Variants in CDH13 observed in about 807,000 individuals in gnomAD.
CDH13 encodes the protein cadherin-13.
In CDH13, 24 loss-of-function variants were observed where a neutral mutation model predicts 63.8. That is an observed-to-expected ratio of 0.38 (90% CI 0.27 to 0.53). The LOEUF (loss-of-function observed/expected upper bound fraction) is 0.53. Ranked by LOEUF, CDH13 falls within the 20% of genes least tolerant of loss-of-function variation. The probability of loss-of-function intolerance (pLI) is 0.85; values close to 1 mark genes in which losing one functional copy is unlikely to be tolerated. For missense variants in CDH13, 1,049 were observed against 903.1 expected, an observed-to-expected ratio of 1.16 and a Z score of -2.07; for synonymous variants, 503 against 355.3, an observed-to-expected ratio of 1.42 and a Z score of -4.67.
At chr16:82,871,027 G>A (rs1008545098) in intron 2 of CDH13, among the ~76,000 whole-genome samples, 2 of 152,110 alleles carry the variant, frequency 1.3e-5, no homozygotes, top group African/African-American at 4.8e-5. Context: ...ACTGTTCATG[G>A]AGTCAAATGA....
intron 5 of CDH13, among the ~76,000 whole-genome samples, chr16:83,333,491 C>A (rs568688353): frequency 6.6e-6 from 1 of 152,054 alleles, no homozygotes; most frequent in Non-Finnish European, 1.5e-5. Flanking sequence ...GCTCTTTGGA[C>A]TACCTTTGAA....
intron 5 of CDH13, among the ~76,000 whole-genome samples, chr16:83,232,875 C>G (rs915940702): frequency 1.3e-5 from 2 of 152,138 alleles, no homozygotes; most frequent in Admixed American, 6.5e-5. Flanking sequence ...TTGAGACTAT[C>G]GTAGTTTATG....
At chr16:83,296,186 C>T (rs866732877) in intron 5 of CDH13, among the ~76,000 whole-genome samples, 1 of 152,182 alleles carries the variant, frequency 6.6e-6, no homozygotes, top group Non-Finnish European at 1.5e-5. Flanking sequence ...TTCAGATACA[C>T]TTTTCCCACT....
intron 4 of CDH13, among the ~76,000 whole-genome samples, chr16:83,186,000 G>A (rs1427571447): frequency 1.3e-5 from 2 of 152,028 alleles, no homozygotes; most frequent in African/African-American, 4.8e-5. Context: ...CCTTAGAGGA[G>A]ATATTTTCCT....
At chr16:83,377,081 G>C (rs1205466093) in intron 6 of CDH13, among the ~76,000 whole-genome samples, 1 of 152,078 alleles carries the variant, frequency 6.6e-6, no homozygotes, top group Admixed American at 6.5e-5. Context: ...TCCAACCCTG[G>C]CTGACCTCAT....
At chr16:82,984,784 T>C (rs1910726712) in intron 2 of CDH13, among the ~76,000 whole-genome samples, 1 of 152,222 alleles carries the variant, frequency 6.6e-6, no homozygotes, top group African/African-American at 2.4e-5. Context: ...CAGGATAGTA[T>C]GCTTTATACA....
At chr16:83,525,252 T>C (rs2074934863) in intron 7 of CDH13, among the ~76,000 whole-genome samples, 1 of 152,172 alleles carries the variant, frequency 6.6e-6, no homozygotes, top group Non-Finnish European at 1.5e-5. Context: ...CTTCCATCAG[T>C]TTCCTGATAA....
At chr16:83,534,827 G>C (rs975927184) in intron 7 of CDH13, among the ~76,000 whole-genome samples, 3 of 152,186 alleles carry the variant, frequency 2.0e-5, no homozygotes, top group Non-Finnish European at 4.4e-5. Context: ...AATTAGCAGT[G>C]CGTATACACA....
intron 2 of CDH13, among the ~76,000 whole-genome samples, chr16:83,009,011 G>A (rs1006748608): frequency 6.6e-6 from 1 of 152,174 alleles, no homozygotes; most frequent in Non-Finnish European, 1.5e-5. Flanking sequence ...GATCTCGTGA[G>A]AACTCACTAT....
At chr16:83,388,184 T>A (rs1260276053) in intron 6 of CDH13, among the ~76,000 whole-genome samples, 1 of 150,946 alleles carries the variant, frequency 6.6e-6, no homozygotes, top group African/African-American at 2.4e-5. Flanking sequence ...CTAGGCATGG[T>A]GGCTTATGGC....
intron 6 of CDH13, among the ~76,000 whole-genome samples, chr16:83,388,939 A>G (rs1262152832): frequency 6.6e-6 from 1 of 152,184 alleles, no homozygotes; most frequent in Non-Finnish European, 1.5e-5. Flanking sequence ...GGTCTAAAGC[A>G]CAATTTTCAA....
At chr16:83,751,700 A>G (rs1033674854) in intron 11 of CDH13, among the ~76,000 whole-genome samples, 1 of 152,238 alleles carries the variant, frequency 6.6e-6, no homozygotes, top group Non-Finnish European at 1.5e-5. Flanking sequence ...AACGGACCAG[A>G]GGGGAAGAAC....
At chr16:82,943,106 G>A (rs72790150) in intron 2 of CDH13, among the ~76,000 whole-genome samples, 3,006 of 152,238 alleles carry the variant, frequency 0.02, 42 homozygotes, top group Middle Eastern at 0.034. Context: ...CTTTGGAATC[G>A]TATACATTTA....
chr16:82,728,234 A>C (rs1374355244), intron 1 of CDH13, among the ~76,000 whole-genome samples: 3 of 152,162 alleles, frequency 2.0e-5, no homozygotes, highest in Admixed American at 2.0e-4. Flanking sequence ...TCTCAGATGC[A>C]ATCCTTCAAT....
At chr16:83,136,353 G>A (rs2036284681) in intron 4 of CDH13, among the ~76,000 whole-genome samples, 1 of 151,786 alleles carries the variant, frequency 6.6e-6, no homozygotes, top group South Asian at 2.1e-4. Context: ...GGGCGTAGTG[G>A]TGTGCGCCTG....
chr16:82,641,925 G>T (rs1052065082), intron 1 of CDH13, among the ~76,000 whole-genome samples: 1 of 152,120 alleles, frequency 6.6e-6, no homozygotes, highest in Non-Finnish European at 1.5e-5. Flanking sequence ...AGCAGGCGAG[G>T]GGGTAGATAG....
intron 4 of CDH13, among the ~76,000 whole-genome samples, chr16:83,150,137 C>A (rs560519168): frequency 3.4e-4 from 52 of 151,248 alleles, no homozygotes; most frequent in African/African-American, 1.3e-3. Flanking sequence ...AAGCCACCAA[C>A]TTCTCTTGCT....
intron 1 of CDH13, among the ~76,000 whole-genome samples, chr16:82,657,521 T>A (rs191051263): frequency 1.3e-5 from 2 of 152,216 alleles, no homozygotes; most frequent in Non-Finnish European, 2.9e-5. Context: ...TTAAAACTTA[T>A]GAATTATTTT....
intron 2 of CDH13, among the ~76,000 whole-genome samples, chr16:82,938,767 C>T (rs1450403427): frequency 6.6e-6 from 1 of 152,166 alleles, no homozygotes; most frequent in Non-Finnish European, 1.5e-5. Context: ...CTATGGTAGG[C>T]AACTAAAGTT....
Sources: allele counts gnomAD v4.1 joint callset (sites outside exome capture counted in the v4.1 genomes callset), GRCh38; gene constraint gnomAD v4.1.1; transcripts MANE v1.5; gene names NCBI Gene and HGNC (gene_info 2026-07-23, HGNC 2026-07-21).